The following PPP1R12A variants were observed in gnomAD, a reference collection of about 807,000 sequenced individuals.
PPP1R12A encodes the protein myosin binding subunit.
In PPP1R12A, 19 loss-of-function variants were observed where a neutral mutation model predicts 139.6. That is an observed-to-expected ratio of 0.14 (90% confidence interval 0.09 to 0.20). The LOEUF is 0.20. PPP1R12A is among the 10% of genes least tolerant of loss of function. The probability of loss-of-function intolerance (pLI) is 1.00; values close to 1 mark genes in which losing one functional copy is unlikely to be tolerated. For synonymous variants in PPP1R12A, 427 were observed against 420.6 expected (o/e 1.02, Z -0.19); for missense variants, 925 against 1,211.5 (o/e 0.76, Z 3.51).
intron 17 of PPP1R12A, among the ~76,000 whole-genome samples, chr12:79,796,071 C>T (rs891469079): frequency 3.3e-5 from 5 of 152,062 alleles, no homozygotes; most frequent in African/African-American, 4.8e-5. Context: ...AGAACTGAAA[C>T]ATCTCAATGA....
Position 79,775,760 on chromosome 12 carries a change from C to A in PPP1R12A, c.*169G>T, listed in dbSNP as rs1592593380. ...AACAAACCAACAACAACAAAAACAC[C>A]CCAGAAAATTAAACAAAATGAAACA... On this transcript the variant is annotated 3_prime_UTR_variant, in exon 25 of 25. Coordinates refer to ENST00000450142, the MANE Select transcript of PPP1R12A (RefSeq NM_002480.3). 1.4e-5 allele frequency: 6 copies of A among 428,918 alleles called. No individual in the cohort carries two copies. The highest frequency in any genetic ancestry group is 6.6e-5 in the South Asian group (1 of 15,108). The allele number at this position is 428,918 out of a possible 1,614,324, so 26.6% of individuals were successfully genotyped here. A position where few individuals can be genotyped will look rare whatever the true frequency, so the allele number is the denominator to read the frequency against.
chr12:79,898,672 C>T (rs1242061935), intron 1 of PPP1R12A, among the ~76,000 whole-genome samples: 1 of 152,164 alleles, frequency 6.6e-6, no homozygotes, highest in East Asian at 1.9e-4. Context: ...ACTTTTCCAT[C>T]TTCATGTTGC....
intron 1 of PPP1R12A, among the ~76,000 whole-genome samples, chr12:79,883,870 T>C (rs184203655): frequency 1.3e-5 from 2 of 152,128 alleles, no homozygotes; most frequent in African/African-American, 2.4e-5. Flanking sequence ...CAAGACACCA[T>C]CTAGTACAGA....
At chr12:79,832,671 T>A (rs1355395148) in intron 3 of PPP1R12A, 180 bp from the exon 4 acceptor site, 3 of 469,138 alleles carry the variant, frequency 6.4e-6, no homozygotes, top group Non-Finnish European at 7.1e-6. Flanking sequence ...GTAGACCTTG[T>A]ATTAACTTTT....
intron 1 of PPP1R12A, among the ~76,000 whole-genome samples, chr12:79,925,131 C>T (rs1304571275): frequency 2.0e-5 from 3 of 152,074 alleles, no homozygotes; most frequent in African/African-American, 7.2e-5. Flanking sequence ...CAGAAAAGCT[C>T]TAGAAGTGTT....
In PPP1R12A at chr12:79,820,907, T is replaced by G; in HGVS notation, c.981A>C (p.Pro327=). 2 of 1,613,574 alleles carry G rather than the reference T, an allele frequency of 1.2e-6. No individual in the cohort carries two copies. Among genetic ancestry groups the G allele is most frequent in the Non-Finnish European group, 1.7e-6 (2 of 1,179,768 alleles). Residue 327 remains proline, a synonymous_variant, in exon 8 of 25, where the codon CCA becomes CCC. Coordinates refer to ENST00000450142, the MANE Select transcript of PPP1R12A (RefSeq NM_002480.3). ...FKNKETLIIE[P]EKNASRIESL... ...ATTCAATACGGGATGCATTTTTCTCTGGTTCAATAATCAACGTCTCTTTGC... is the reference window on the plus strand; with the variant it reads ...ATTCAATACGGGATGCATTTTTCTCGGGTTCAATAATCAACGTCTCTTTGC...
chr12:79,905,679 T>C (rs1269604853), intron 1 of PPP1R12A, among the ~76,000 whole-genome samples: 1 of 152,214 alleles, frequency 6.6e-6, no homozygotes, highest in Non-Finnish European at 1.5e-5. Flanking sequence ...CATTTGATAG[T>C]CTTTGCTTCA....
At chr12:79,928,139 A>G (rs1227837398) in intron 1 of PPP1R12A, among the ~76,000 whole-genome samples, 2 of 152,208 alleles carry the variant, frequency 1.3e-5, no homozygotes, top group African/African-American at 2.4e-5. Flanking sequence ...AAATGTGGTA[A>G]TAACAAATGG....
chr12:79,903,224 G>C, intron 1 of PPP1R12A, among the ~76,000 whole-genome samples: 2 of 152,120 alleles, frequency 1.3e-5, no homozygotes, highest in East Asian at 3.9e-4. Context: ...AGGCCGAGGC[G>C]GGTGGATCAC....
intron 1 of PPP1R12A, among the ~76,000 whole-genome samples, chr12:79,930,041 T>G (rs1888131459): frequency 6.6e-6 from 1 of 152,178 alleles, no homozygotes; most frequent in Admixed American, 6.5e-5. Context: ...TTGTGGAAGA[T>G]TAGGTCCTCA....
rs113703404 is a variant in PPP1R12A at position 79,917,209 on chromosome 12, G to A, written c.237+17486C>T. Among the ~76,000 whole-genome samples the A allele has an allele frequency of 5.8e-3, 885 of 152,190 alleles. 10 individuals carry two copies. The highest frequency in any genetic ancestry group is 0.019 in the African/African-American group (798 of 41,522). ...TTATACAGAGTTAAGAGTTTAGGCC[G>A]GGCACAGTGGCTCATGCCTGTAATC... On this transcript the variant is annotated intron_variant, in intron 1 of 24. Transcript: ENST00000450142.
At chr12:79,862,663 T>C (rs953698983) in intron 2 of PPP1R12A, among the ~76,000 whole-genome samples, 25 of 152,162 alleles carry the variant, frequency 1.6e-4, no homozygotes, top group Admixed American at 1.6e-3. Flanking sequence ...GAGAACTTCA[T>C]GAAGCATACA....
intron 14 of PPP1R12A, among the ~76,000 whole-genome samples, chr12:79,805,355 G>A (rs1393102597): frequency 6.6e-6 from 1 of 152,092 alleles, no homozygotes; most frequent in Non-Finnish European, 1.5e-5. Context: ...GAAAACAACT[G>A]TCTTGCTCAC....
At chr12:79,778,844 C>A in intron 23 of PPP1R12A, 2 of 307,584 alleles carry the variant, frequency 6.5e-6, no homozygotes, top group South Asian at 1.7e-4. Context: ...TGCTACATAA[C>A]ATATTCAAAC....
chr12:79,779,263 T>C (rs904188489), intron 23 of PPP1R12A: 1 of 1,214,916 alleles, frequency 8.2e-7, no homozygotes. Flanking sequence ...CATTCTGGGG[T>C]GTTATGCAAA....
intron 2 of PPP1R12A, among the ~76,000 whole-genome samples, chr12:79,871,076 A>C (rs1882520656): frequency 6.6e-6 from 1 of 152,182 alleles, no homozygotes. Context: ...AAGAGGGGAG[A>C]AGGCTAAGAA....
intron 19 of PPP1R12A, among the ~76,000 whole-genome samples, chr12:79,790,797 G>A (rs1016463962): frequency 2.0e-5 from 3 of 152,042 alleles, no homozygotes; most frequent in Non-Finnish European, 4.4e-5. Flanking sequence ...GTCTTACTGG[G>A]GGCCAAAGTA....
At chr12:79,889,788 A>C (rs1359307150) in intron 1 of PPP1R12A, among the ~76,000 whole-genome samples, 1 of 152,152 alleles carries the variant, frequency 6.6e-6, no homozygotes, top group African/African-American at 2.4e-5. Context: ...GCAAACATTT[A>C]TTTCATAATT....
chr12:79,840,988 C>T (rs955111102), intron 3 of PPP1R12A, among the ~76,000 whole-genome samples: 4 of 151,534 alleles, frequency 2.6e-5, no homozygotes, highest in African/African-American at 7.3e-5. Context: ...CAATTCCAGT[C>T]CCAATGAATG....
Sources: allele counts gnomAD v4.1 joint callset (sites outside exome capture counted in the v4.1 genomes callset), GRCh38; gene constraint gnomAD v4.1.1; transcripts MANE v1.5; gene names NCBI Gene and HGNC (gene_info 2026-07-23, HGNC 2026-07-21).